The following LRRC72 variants were observed in gnomAD, a reference collection of about 807,000 sequenced individuals.
LRRC72 encodes leucine-rich repeat-containing protein 72.
Under a neutral mutation model 35.8 loss-of-function variants are expected in LRRC72, and 41 were observed. The ratio of observed to expected loss-of-function variants is 1.15; its 90% CI spans 0.89 to 1.49. LRRC72 has a LOEUF of 1.49. Among genes scored for constraint, LRRC72 ranks in the 40% most tolerant of loss-of-function variants. The pLI is 0.00. For missense variants in LRRC72, 389 were observed against 330.7 expected (o/e 1.18, Z -1.37); for synonymous variants, 118 against 119.2 (o/e 0.99, Z 0.07).
intron 7 of LRRC72, among the ~76,000 whole-genome samples, chr7:16,579,237 C>G (rs914920648): frequency 6.6e-6 from 1 of 152,144 alleles, no homozygotes; most frequent in African/African-American, 2.4e-5. Context: ...TAAATATATA[C>G]AGTTTTTATT....
At chr7:16,575,266 A>G (rs1783019640) in intron 7 of LRRC72, among the ~76,000 whole-genome samples, 1 of 152,184 alleles carries the variant, frequency 6.6e-6, no homozygotes, top group Non-Finnish European at 1.5e-5. Context: ...CAAATATTTT[A>G]CAGAGTTTGA....
At chr7:16,553,425 T>C (rs894320845) in intron 3 of LRRC72, among the ~76,000 whole-genome samples, 6 of 152,202 alleles carry the variant, frequency 3.9e-5, no homozygotes, top group African/African-American at 1.2e-4. Flanking sequence ...ACTGGGGATA[T>C]GGGGGTCAAA....
At chr7:16,575,865 A>C (rs569022) in intron 7 of LRRC72, among the ~76,000 whole-genome samples, 1 of 151,914 alleles carries the variant, frequency 6.6e-6, no homozygotes, top group African/African-American at 2.4e-5. Flanking sequence ...CCCACAATCT[A>C]TTTTTCAGTG....
intron 4 of LRRC72, 144 bp downstream of exon 4, chr7:16,557,585 A>G: frequency 3.0e-6 from 1 of 335,464 alleles, no homozygotes; most frequent in Non-Finnish European, 5.5e-6. Flanking sequence ...AAATGTTTTA[A>G]TGTACATTTG....
chr7:16,549,683 G>A (rs1782514501), intron 3 of LRRC72, among the ~76,000 whole-genome samples: 1 of 152,132 alleles, frequency 6.6e-6, no homozygotes, highest in South Asian at 2.1e-4. Context: ...ATGAATCCAT[G>A]CCCTCCCTGC....
At chr7:16,548,818 T>G (rs528795046) in intron 3 of LRRC72, among the ~76,000 whole-genome samples, 1 of 152,340 alleles carries the variant, frequency 6.6e-6, no homozygotes, top group African/African-American at 2.4e-5. Flanking sequence ...TTCCAGCTGG[T>G]GAAGCAATAC....
intron 5 of LRRC72, among the ~76,000 whole-genome samples, chr7:16,565,777 G>C (rs537209920): frequency 6.6e-6 from 1 of 152,294 alleles, no homozygotes; most frequent in East Asian, 1.9e-4. Context: ...CTTCTGCTCA[G>C]CTCTGGTCCT....
At chr7:16,570,995 A>G (rs1489548494) in intron 7 of LRRC72, among the ~76,000 whole-genome samples, 1 of 147,186 alleles carries the variant, frequency 6.8e-6, no homozygotes, top group Admixed American at 6.8e-5. Flanking sequence ...TTTTTCTTCC[A>G]TGACTTTTTG....
chr7:16,577,040 T>C (rs541286080), intron 7 of LRRC72, among the ~76,000 whole-genome samples: 1 of 152,180 alleles, frequency 6.6e-6, no homozygotes, highest in Non-Finnish European at 1.5e-5. Context: ...GGAAATCAAG[T>C]CTTGAAGACA....
chr7:16,573,332 G>A (rs775926280), intron 7 of LRRC72, among the ~76,000 whole-genome samples: 5 of 152,266 alleles, frequency 3.3e-5, no homozygotes, highest in Non-Finnish European at 5.9e-5. Flanking sequence ...CCAAAAAAGA[G>A]CCTGTATAGC....
At position 16,580,057 on chromosome 7, in the gene LRRC72, A is replaced by G. The variant is rs1427275342; in HGVS notation, c.671-17A>G. 1 of 429,066 alleles carries G rather than the reference A, an allele frequency of 2.3e-6. No homozygotes were observed. Among genetic ancestry groups the G allele is most frequent in the South Asian group, 2.2e-5 (1 of 44,726 alleles). 26.6% of individuals were successfully genotyped at this position (429,066 alleles called of 1,614,324 possible). A position where few individuals can be genotyped will look rare whatever the true frequency, so the allele number is the denominator to read the frequency against. On this transcript the variant is annotated splice_polypyrimidine_tract_variant and intron_variant, in intron 7 of 8. Transcript: ENST00000401542. ...AATATTTTAAAATACTAACTTTAAA[A>G]TGTATTTTTTTTTTAGATTTTGCAT... is the stretch of plus-strand genomic sequence containing the variant.
At chr7:16,578,784 G>A (rs576778315) in intron 7 of LRRC72, among the ~76,000 whole-genome samples, 36 of 152,228 alleles carry the variant, frequency 2.4e-4, no homozygotes, top group African/African-American at 7.7e-4. Flanking sequence ...AAATGAAGAC[G>A]AGAACAGGGA....
chr7:16,540,441 G>A (rs1333583529), intron 3 of LRRC72, among the ~76,000 whole-genome samples: 1 of 152,164 alleles, frequency 6.6e-6, no homozygotes, highest in Non-Finnish European at 1.5e-5. Flanking sequence ...TCTCAAATGA[G>A]ACTTTGGACT....
chr7:16,560,219 A>G (rs144072554), intron 5 of LRRC72, among the ~76,000 whole-genome samples: 210 of 152,278 alleles, frequency 1.4e-3, no homozygotes, highest in African/African-American at 4.9e-3. Flanking sequence ...TTCCTTTTCT[A>G]TTCATTTCTC....
At chr7:16,580,133 G>T (rs957294795) in intron 8 of LRRC72, 32 bp downstream of exon 8, 3 of 336,662 alleles carry the variant, frequency 8.9e-6, no homozygotes, top group Admixed American at 4.7e-5. Flanking sequence ...TTTATTATCA[G>T]ATTATTTCAT....
At chr7:16,532,370 G>C (rs1034359058) in intron 1 of LRRC72, 125 bp from the exon 2 acceptor site, 3 of 664,176 alleles carry the variant, frequency 4.5e-6, no homozygotes, top group Non-Finnish European at 8.0e-6. Context: ...TATCAGTTTA[G>C]AATGGTTACC....
At chr7:16,571,985 C>T (rs760079396) in intron 7 of LRRC72, among the ~76,000 whole-genome samples, 1 of 152,166 alleles carries the variant, frequency 6.6e-6, no homozygotes, top group Non-Finnish European at 1.5e-5. Context: ...CTGAAGTCGA[C>T]CTGGGTCGCC....
In LRRC72 at chr7:16,537,608, A is replaced by AT. The variant is rs532780210; in HGVS notation, c.165-9dup. 9.6e-3 allele frequency: 12,072 copies of AT among 1,258,080 alleles called. No homozygotes were observed. Among genetic ancestry groups the AT allele is most frequent in the South Asian group, 0.012 (783 of 63,722 alleles). The allele number at this position is 1,258,080 out of a possible 1,614,324, so 77.9% of individuals were successfully genotyped here. On this transcript the variant is annotated intron_variant, in intron 2 of 8. Coordinates refer to ENST00000401542, the MANE Select transcript of LRRC72 (RefSeq NM_001195280.2). ...TGAACTAATTGTTGCTAATGTTCAC[A>AT]TTTTTTTTTTCTTTCCAGGGAACTG...
chr7:16,561,334 G>A (rs926269852), intron 5 of LRRC72, among the ~76,000 whole-genome samples: 2 of 152,172 alleles, frequency 1.3e-5, no homozygotes, highest in Non-Finnish European at 2.9e-5. Flanking sequence ...AACATTTGGA[G>A]AGTGGTAAAC....
Sources: gnomAD v4.1 joint callset for allele counts (sites outside exome capture counted in the v4.1 genomes callset) on GRCh38, gnomAD v4.1.1 for gene constraint, MANE v1.5 for transcripts, NCBI Gene and HGNC (gene_info 2026-07-23, HGNC 2026-07-21) for gene names.